The following MAP7D2 variants were observed in gnomAD, a reference collection of about 807,000 sequenced individuals.
MAP7D2 encodes MAP7 domain-containing protein 2.
Under a neutral mutation model 63.5 loss-of-function variants are expected in MAP7D2, and 33 were observed. The ratio of observed to expected loss-of-function variants is 0.52; its 90% CI spans 0.39 to 0.70. MAP7D2 has a LOEUF of 0.70. Ranked by LOEUF, MAP7D2 falls within the 30% of genes least tolerant of loss-of-function variation. The probability of loss-of-function intolerance (pLI) is 0.00; values close to 1 mark genes in which losing one functional copy is unlikely to be tolerated. For missense variants in MAP7D2, 626 were observed against 604.0 expected (o/e 1.04, Z -0.38); for synonymous variants, 224 against 223.7 (o/e 1.00, Z -0.01).
rs757138400 is a variant in MAP7D2 at position 20,085,553 on chromosome X, T to C, written c.131-20748A>G. 5.3e-5 allele frequency among the ~76,000 whole-genome samples: 6 copies of C among 112,155 alleles called. No homozygotes were observed. The East Asian group carries it at 1.4e-3, about 26-fold the overall frequency. ...ATCAATATGGCACTGAGTACTTTCATCGAGCACAGTATCCACCTTCTGAGG... is the reference window on the plus strand; with the variant it reads ...ATCAATATGGCACTGAGTACTTTCACCGAGCACAGTATCCACCTTCTGAGG... On this transcript the variant is annotated intron_variant, in intron 1 of 16. Transcript: ENST00000379643.
chrX:20,028,963 T>C (rs1414501355), intron 8 of MAP7D2, among the ~76,000 whole-genome samples: 1 of 111,981 alleles, frequency 8.9e-6, no homozygotes, highest in Non-Finnish European at 1.9e-5. Flanking sequence ...TCTCACCTGA[T>C]CTTCTTGCTT....
At chrX:20,059,589 TGGAAGGAAGGAAGGAAGGAAGGAA>T (rs778547441) in intron 3 of MAP7D2, among the ~76,000 whole-genome samples, 4 of 74,152 alleles carry the variant, frequency 5.4e-5, no homozygotes, top group African/African-American at 1.2e-4. Flanking sequence ...AGTGGAAGGG[TGGAAGGAAGGAAGGAAGGAAGGAA>T]GGAAGGAAGG....
At chrX:20,113,776 TATC>T (rs1419879331) in intron 1 of MAP7D2, among the ~76,000 whole-genome samples, 4 of 111,457 alleles carry the variant, frequency 3.6e-5, no homozygotes. Context: ...GAAATAATCA[TATC>T]ATGCAAAACA....
chrX:20,063,470 C>T lies in MAP7D2; in HGVS notation c.316G>A (p.Asp106Asn). Residue 106 changes from aspartate (D) to asparagine (N), a missense_variant, in exon 3 of 17, where the codon GAC becomes AAC. Coordinates refer to ENST00000379643, the MANE Select transcript of MAP7D2 (RefSeq NM_001168465.2). ...TCTTCCACAGCAGCTCTCTTTTGGTCCTCCCGCTGCCGCTGCTCTTCCAGT... is the reference window on the plus strand; with the variant it reads ...TCTTCCACAGCAGCTCTCTTTTGGTTCTCCCGCTGCCGCTGCTCTTCCAGT... The part of the protein sequence containing the change: ...RKLEEQRQRE[D>N]QKRAAVEEKR... 1 of 1,211,801 alleles carries T rather than the reference C, an allele frequency of 8.3e-7. No individual in the cohort carries two copies. Among genetic ancestry groups the T allele is most frequent in the Non-Finnish European group, 1.1e-6 (1 of 895,486 alleles).
chrX:20,098,622 G>A (rs1003668814), intron 1 of MAP7D2, among the ~76,000 whole-genome samples: 2 of 111,379 alleles, frequency 1.8e-5, no homozygotes, highest in African/African-American at 6.5e-5. Flanking sequence ...CCTGACCCAG[G>A]AGGTGAAGGG....
At chrX:20,084,673 A>G (rs2065866312) in intron 1 of MAP7D2, among the ~76,000 whole-genome samples, 1 of 108,407 alleles carries the variant, frequency 9.2e-6, no homozygotes, top group African/African-American at 3.4e-5. Flanking sequence ...GGTTCAAGCA[A>G]TTCTCCTGCC....
intron 1 of MAP7D2, among the ~76,000 whole-genome samples, chrX:20,074,895 T>A (rs1457476074): frequency 9.1e-6 from 1 of 110,113 alleles, no homozygotes; most frequent in Non-Finnish European, 1.9e-5. Context: ...TACAAAAAAA[T>A]ACAAAAAATT....
chrX:20,011,783 C>G (rs60948430), intron 15 of MAP7D2, among the ~76,000 whole-genome samples: 3,162 of 112,488 alleles, frequency 0.028, 108 homozygotes, highest in African/African-American at 0.096. Flanking sequence ...GGCTGGTTTT[C>G]TTTCTCTCTC....
At chrX:20,038,986 C>T in intron 8 of MAP7D2, among the ~76,000 whole-genome samples, 1 of 111,748 alleles carries the variant, frequency 8.9e-6, no homozygotes, top group South Asian at 3.8e-4. Context: ...TACAAATGGC[C>T]CAGACCCTTC....
chrX:20,105,342 A>G (rs140685185), intron 1 of MAP7D2, among the ~76,000 whole-genome samples: 54 of 111,322 alleles, frequency 4.9e-4, no homozygotes, highest in Non-Finnish European at 2.1e-4. Context: ...CCAAGAGTCA[A>G]CTCTGAAGGA....
intron 1 of MAP7D2, among the ~76,000 whole-genome samples, chrX:20,095,345 C>A (rs2066229111): frequency 9.0e-6 from 1 of 111,268 alleles, no homozygotes; most frequent in African/African-American, 3.3e-5. Context: ...TCGAGACCAA[C>A]CTTGGCAACA....
intron 1 of MAP7D2, among the ~76,000 whole-genome samples, chrX:20,082,591 G>A (rs1423508631): frequency 8.9e-6 from 1 of 111,924 alleles, no homozygotes; most frequent in Non-Finnish European, 1.9e-5. Flanking sequence ...GGCACTTTGA[G>A]GCCTTGAGGA....
At chrX:20,035,361 A>G (rs2148238191) in intron 8 of MAP7D2, among the ~76,000 whole-genome samples, 1 of 111,692 alleles carries the variant, frequency 9.0e-6, no homozygotes, top group South Asian at 3.7e-4. Context: ...GGTTCCTTGA[A>G]ATAGGGACTG....
At chrX:20,009,508 CA>C (rs2073109237) in intron 16 of MAP7D2, among the ~76,000 whole-genome samples, 1 of 108,546 alleles carries the variant, frequency 9.2e-6, no homozygotes, top group Non-Finnish European at 1.9e-5. Context: ...TACTAAAATA[CA>C]AAAAATTAGC....
chrX:20,093,679 A>G (rs1307484365), intron 1 of MAP7D2, among the ~76,000 whole-genome samples: 2 of 111,512 alleles, frequency 1.8e-5, no homozygotes, highest in Non-Finnish European at 3.8e-5. Flanking sequence ...AAATAAAAAT[A>G]AAAAATAACC....
At chrX:20,068,115 G>A (rs1035040528) in intron 1 of MAP7D2, among the ~76,000 whole-genome samples, 5 of 112,365 alleles carry the variant, frequency 4.4e-5, no homozygotes, top group Admixed American at 1.9e-4. Context: ...ACTGAAAGGG[G>A]TGGAGTGACT....
At chrX:20,103,960 A>G (rs759374375) in intron 1 of MAP7D2, among the ~76,000 whole-genome samples, 2 of 112,305 alleles carry the variant, frequency 1.8e-5, no homozygotes, top group Non-Finnish European at 3.8e-5. Context: ...AACACTCCCC[A>G]GTAGAAAGGC....
chrX:20,050,974 TA>T, intron 5 of MAP7D2, 28 bp from the exon 6 acceptor site: 1 of 1,107,375 alleles, frequency 9.0e-7, no homozygotes, highest in Non-Finnish European at 1.2e-6. Flanking sequence ...ATGAAAATTT[TA>T]AAAAGCAAAA....
At chrX:20,062,203 T>C (rs753765880) in intron 3 of MAP7D2, among the ~76,000 whole-genome samples, 55 of 112,239 alleles carry the variant, frequency 4.9e-4, no homozygotes, top group Non-Finnish European at 8.6e-4. Context: ...TTTTAATTCC[T>C]GTAACTACCT....
Sources: gnomAD v4.1 joint callset for allele counts (sites outside exome capture counted in the v4.1 genomes callset) on GRCh38, gnomAD v4.1.1 for gene constraint, MANE v1.5 for transcripts, NCBI Gene and HGNC (gene_info 2026-07-23, HGNC 2026-07-21) for gene names.